VWA3B: variants seen among roughly 807,000 people sequenced by gnomAD.
VWA3B encodes the protein von Willebrand factor A domain-containing protein 3B.
A neutral mutation model predicts 158.3 loss-of-function variants in VWA3B; 138 were observed. That is an observed-to-expected ratio of 0.87 (90% CI 0.76 to 1.00). The LOEUF (loss-of-function observed/expected upper bound fraction) is 1.00. VWA3B is among the 50% of genes least tolerant of loss of function. The probability of loss-of-function intolerance (pLI) is 0.00; values close to 1 mark genes in which losing one functional copy is unlikely to be tolerated. For missense variants in VWA3B, 1,555 were observed against 1,565.1 expected, an observed-to-expected ratio of 0.99 and a Z score of 0.11; for synonymous variants, 596 against 587.3, an observed-to-expected ratio of 1.01 and a Z score of -0.21.
chr2:98,267,468 A>G (rs1453438494), intron 21 of VWA3B, among the ~76,000 whole-genome samples: 3 of 152,172 alleles, frequency 2.0e-5, no homozygotes, highest in East Asian at 1.9e-4. Context: ...GAAGGCAGAA[A>G]TAAAGATGTT....
chr2:98,104,452 G>T (rs892884847), intron 2 of VWA3B, among the ~76,000 whole-genome samples: 1 of 152,130 alleles, frequency 6.6e-6, no homozygotes, highest in African/African-American at 2.4e-5. Context: ...TCAACAACCA[G>T]TCCTCATGAG....
At chr2:98,095,856 T>C (rs529539979) in intron 2 of VWA3B, among the ~76,000 whole-genome samples, 8 of 152,350 alleles carry the variant, frequency 5.3e-5, no homozygotes, top group African/African-American at 1.9e-4. Context: ...CAAATGCTTA[T>C]TCTGCATCTA....
chr2:98,239,476 T>C (rs969189920), intron 19 of VWA3B, among the ~76,000 whole-genome samples: 1 of 152,118 alleles, frequency 6.6e-6, no homozygotes, highest in Non-Finnish European at 1.5e-5. Context: ...CTCCCTTTTT[T>C]CTTTTACCAA....
intron 22 of VWA3B, among the ~76,000 whole-genome samples, chr2:98,272,475 T>G (rs921008436): frequency 1.3e-5 from 2 of 152,082 alleles, no homozygotes; most frequent in African/African-American, 4.8e-5. Flanking sequence ...TCCTTTTGGG[T>G]TCTTATGGAG....
rs1423336379 is a variant in VWA3B, at chr2:98,301,182, C to T, written c.3420+966C>T. Among the ~76,000 whole-genome samples, 4 of 151,636 alleles carry T rather than the reference C, an allele frequency of 2.6e-5. No homozygotes were observed. The East Asian group carries it at 5.8e-4, about 22-fold the overall frequency. The stretch of plus-strand genomic sequence containing the variant: ...GTGGGCGCCTGTAGTCCCAGCTACT[C>T]GGGAGGCTGAGGCAGGAGAATGGCG... On this transcript the variant is annotated intron_variant, in intron 25 of 27. Coordinates refer to ENST00000477737, the MANE Select transcript of VWA3B (RefSeq NM_144992.5).
chr2:98,301,406 TTTGG>T (rs1690183647), intron 25 of VWA3B, among the ~76,000 whole-genome samples: 1 of 152,214 alleles, frequency 6.6e-6, no homozygotes, highest in South Asian at 2.1e-4. Flanking sequence ...TGAGACTCAG[TTTGG>T]TCACATATAA....
chr2:98,290,747 T>G, intron 23 of VWA3B, 125 bp downstream of exon 23: 1 of 689,080 alleles, frequency 1.5e-6, no homozygotes. Context: ...GCTAGTCCAC[T>G]TTTCACAGAG....
At position 98,181,268 on chromosome 2, in the gene VWA3B, G is replaced by A. The variant is rs1680558860; in HGVS notation, c.1311+56G>A. On this transcript the variant is annotated intron_variant, in intron 9 of 27. Coordinates refer to ENST00000477737, the MANE Select transcript of VWA3B (RefSeq NM_144992.5). ...GGGCCTCCCCTCAAGTCCTGGGTGG[G>A]TGAGGCCTCCATCGGGTCAGAAGGC... 3 of 1,581,134 alleles carry A rather than the reference G, an allele frequency of 1.9e-6. No homozygotes were observed. The African/African-American group carries it at 4.0e-5, about 21-fold the overall frequency.
intron 12 of VWA3B, among the ~76,000 whole-genome samples, chr2:98,194,773 C>G (rs1681903575): frequency 6.6e-6 from 1 of 152,230 alleles, no homozygotes; most frequent in East Asian, 1.9e-4. Flanking sequence ...AAACACATTT[C>G]AAAACAGAGT....
intron 21 of VWA3B, among the ~76,000 whole-genome samples, chr2:98,266,399 A>G (rs528755706): frequency 7.3e-5 from 11 of 151,418 alleles, no homozygotes; most frequent in African/African-American, 2.4e-4. Context: ...TGTTCCATTG[A>G]TCTATATCTC....
At chr2:98,188,231 G>T in intron 10 of VWA3B, 102 bp downstream of exon 10, 2 of 1,430,120 alleles carry the variant, frequency 1.4e-6, no homozygotes, top group Middle Eastern at 2.6e-4. Flanking sequence ...GACACATAAT[G>T]ATTGTACCTA....
At chr2:98,124,450 T>C (rs1326526628) in intron 5 of VWA3B, among the ~76,000 whole-genome samples, 1 of 151,950 alleles carries the variant, frequency 6.6e-6, no homozygotes, top group Non-Finnish European at 1.5e-5. Flanking sequence ...TCGGTGGTGG[T>C]CAAGGATCCT....
chr2:98,092,361 C>T (rs956758220), intron 1 of VWA3B, among the ~76,000 whole-genome samples: 3 of 152,148 alleles, frequency 2.0e-5, no homozygotes, highest in African/African-American at 7.2e-5. Flanking sequence ...AAAGTAAATT[C>T]CAGCTGGGCG....
chr2:98,311,581 C>G (rs933376164), intron 26 of VWA3B, among the ~76,000 whole-genome samples: 3 of 152,120 alleles, frequency 2.0e-5, no homozygotes, highest in African/African-American at 7.2e-5. Context: ...AGGACGGGTC[C>G]GTATACTCAA....
chr2:98,269,984 T>A (rs1378662194), intron 21 of VWA3B, among the ~76,000 whole-genome samples: 2 of 152,200 alleles, frequency 1.3e-5, no homozygotes, highest in Non-Finnish European at 2.9e-5. Flanking sequence ...AATCATGAAT[T>A]GTTTTCTTTC....
intron 14 of VWA3B, among the ~76,000 whole-genome samples, chr2:98,226,187 A>G (rs1369232175): frequency 6.6e-6 from 1 of 152,246 alleles, no homozygotes; most frequent in African/African-American, 2.4e-5. Flanking sequence ...AAGGCTTACT[A>G]TGTAGCTGCA....
chr2:98,090,484 A>G (rs1382936291), intron 1 of VWA3B, among the ~76,000 whole-genome samples: 2 of 152,142 alleles, frequency 1.3e-5, no homozygotes, highest in Non-Finnish European at 2.9e-5. Context: ...TAGCCCTGGG[A>G]GTTAGGGTGT....
chr2:98,152,403 G>GCT (rs1356050361), intron 7 of VWA3B, among the ~76,000 whole-genome samples: 1 of 152,182 alleles, frequency 6.6e-6, no homozygotes, highest in Non-Finnish European at 1.5e-5. Context: ...GCTGGTTAAA[G>GCT]CTCTCCAGGG....
At chr2:98,152,672 C>T (rs774360787) in intron 7 of VWA3B, among the ~76,000 whole-genome samples, 6 of 152,160 alleles carry the variant, frequency 3.9e-5, no homozygotes, top group Non-Finnish European at 7.4e-5. Context: ...AAACATCTTC[C>T]CTGAGGTCCT....
Sources: allele counts gnomAD v4.1 joint callset (sites outside exome capture counted in the v4.1 genomes callset), GRCh38; gene constraint gnomAD v4.1.1; transcripts MANE v1.5; gene names NCBI Gene and HGNC (gene_info 2026-07-23, HGNC 2026-07-21).